The following CLVS1 variants were observed in gnomAD, a reference collection of about 807,000 sequenced individuals.
The protein encoded by CLVS1 is clavesin-1.
Under a neutral mutation model 33.1 loss-of-function variants are expected in CLVS1, and 10 were observed. The observed-to-expected ratio is 0.30, with a 90% CI of 0.19 to 0.51. CLVS1 has a LOEUF of 0.51. CLVS1 is among the 20% of genes least tolerant of loss of function. The pLI is 0.97. For synonymous variants in CLVS1, 163 were observed against 166.1 expected (o/e 0.98, Z 0.14); for missense variants, 343 against 433.4 (o/e 0.79, Z 1.85).
At chr8:61,155,215 C>G (rs562428745) in intron 2 of CLVS1, among the ~76,000 whole-genome samples, 2 of 152,184 alleles carry the variant, frequency 1.3e-5, no homozygotes, top group Non-Finnish European at 2.9e-5. Flanking sequence ...CAGGATCTCT[C>G]TCCTAAAGGA....
chr8:61,248,925 T>G (rs1808876242), intron 2 of CLVS1, among the ~76,000 whole-genome samples: 1 of 152,166 alleles, frequency 6.6e-6, no homozygotes, highest in Non-Finnish European at 1.5e-5. Context: ...TGCACTTCTT[T>G]TTTTTATACT....
At chr8:61,392,927 A>T (rs1814365405) in intron 3 of CLVS1, among the ~76,000 whole-genome samples, 1 of 152,012 alleles carries the variant, frequency 6.6e-6, no homozygotes, top group African/African-American at 2.4e-5. Context: ...CTTGTTGCCC[A>T]GGCTGGAGTG....
chr8:61,043,725 T>C, the CLVS1 span, among the ~76,000 whole-genome samples: 1 of 152,204 alleles, frequency 6.6e-6, no homozygotes, highest in Non-Finnish European at 1.5e-5. Context: ...CTGGATTGAC[T>C]GGGCATTCTG....
intron 3 of CLVS1, among the ~76,000 whole-genome samples, chr8:61,410,931 C>T (rs1335734327): frequency 1.3e-5 from 2 of 152,174 alleles, no homozygotes; most frequent in Non-Finnish European, 2.9e-5. Context: ...TGTGAGCCAC[C>T]ACATCCAGAC....
At chr8:61,399,798 TC>T (rs765213985) in intron 3 of CLVS1, among the ~76,000 whole-genome samples, 5 of 152,226 alleles carry the variant, frequency 3.3e-5, no homozygotes, top group Non-Finnish European at 7.3e-5. Flanking sequence ...GGGAATCCTT[TC>T]CCCATTGCTT....
intron 2 of CLVS1, among the ~76,000 whole-genome samples, chr8:61,245,846 G>T (rs577882814): frequency 2.0e-5 from 3 of 151,824 alleles, no homozygotes; most frequent in Non-Finnish European, 2.9e-5. Flanking sequence ...ATCGGTCATT[G>T]ACACCTTGAC....
intron 1 of CLVS1, among the ~76,000 whole-genome samples, chr8:61,084,244 T>C (rs766250183): frequency 6.6e-6 from 1 of 152,128 alleles, no homozygotes; most frequent in Non-Finnish European, 1.5e-5. Flanking sequence ...GCACTGAAAA[T>C]TCTACCTCCT....
chr8:61,023,468 C>A, the CLVS1 span, among the ~76,000 whole-genome samples: 1 of 152,368 alleles, frequency 6.6e-6, no homozygotes, highest in Non-Finnish European at 1.5e-5. Context: ...TGCACCATTA[C>A]ATCCCACAGT....
intron 2 of CLVS1, among the ~76,000 whole-genome samples, chr8:61,224,917 C>G (rs1008815442): frequency 1.3e-5 from 2 of 152,222 alleles, no homozygotes; most frequent in Admixed American, 6.5e-5. Context: ...TTCTAACCCT[C>G]TAAGTGCACC....
intron 4 of CLVS1, among the ~76,000 whole-genome samples, chr8:61,457,097 C>T (rs1372395044): frequency 6.6e-6 from 1 of 151,612 alleles, no homozygotes; most frequent in East Asian, 2.0e-4. Flanking sequence ...CCCACCATGC[C>T]CAGCTAATTT....
At chr8:61,413,867 A>G (rs540068468) in intron 3 of CLVS1, among the ~76,000 whole-genome samples, 119 of 152,370 alleles carry the variant, frequency 7.8e-4, no homozygotes, top group African/African-American at 2.5e-3. Flanking sequence ...CATTTACCCT[A>G]CAATGGCTAA....
intron 1 of CLVS1, among the ~76,000 whole-genome samples, chr8:61,121,486 C>T (rs765732029): frequency 3.3e-5 from 5 of 151,990 alleles, no homozygotes; most frequent in East Asian, 1.9e-4. Flanking sequence ...TATCTGTTTG[C>T]GTGTATTGGA....
intron 1 of CLVS1, 99 bp downstream of exon 1, chr8:61,288,237 A>G (rs953817863): frequency 8.8e-6 from 4 of 455,904 alleles, no homozygotes; most frequent in East Asian, 6.9e-5. Context: ...GCACTTCGGT[A>G]TGTGGACAGC....
chr8:61,322,203 C>G (rs1203332499), intron 2 of CLVS1, among the ~76,000 whole-genome samples: 1 of 152,016 alleles, frequency 6.6e-6, no homozygotes, highest in Non-Finnish European at 1.5e-5. Context: ...AGTAAATATC[C>G]AGGGATTTAT....
intron 2 of CLVS1, among the ~76,000 whole-genome samples, chr8:61,217,865 A>C (rs1808122647): frequency 6.6e-6 from 1 of 152,258 alleles, no homozygotes; most frequent in South Asian, 2.1e-4. Flanking sequence ...GTTTCTCAAA[A>C]GAAGACATGC....
chr8:61,488,219 C>T (rs938457402), intron 5 of CLVS1, among the ~76,000 whole-genome samples: 1 of 152,146 alleles, frequency 6.6e-6, no homozygotes, highest in Admixed American at 6.6e-5. Context: ...TATGTAGTAG[C>T]GCATTCCACT....
chr8:60,996,631 A>C, the CLVS1 span, among the ~76,000 whole-genome samples: 1 of 152,102 alleles, frequency 6.6e-6, no homozygotes, highest in Non-Finnish European at 1.5e-5. Context: ...TCTTGTTCCC[A>C]GGTTCCCAGG....
chr8:61,206,876 T>C (rs1411116979), intron 2 of CLVS1, among the ~76,000 whole-genome samples: 2 of 152,184 alleles, frequency 1.3e-5, no homozygotes, highest in East Asian at 1.9e-4. Context: ...CATGAGCCAG[T>C]GCGCCCGGCA....
At chr8:61,171,956 A>G (rs951779466) in intron 2 of CLVS1, among the ~76,000 whole-genome samples, 52 of 152,274 alleles carry the variant, frequency 3.4e-4, no homozygotes, top group African/African-American at 9.9e-4. Flanking sequence ...TCAGGGTTGG[A>G]TTTTATCAGG....
Sources: allele counts gnomAD v4.1 joint callset (sites outside exome capture counted in the v4.1 genomes callset), GRCh38; gene constraint gnomAD v4.1.1; transcripts MANE v1.5; gene names NCBI Gene and HGNC (gene_info 2026-07-23, HGNC 2026-07-21).